CWC27: variants seen among roughly 807,000 people sequenced by gnomAD.
CWC27 encodes CWC27 spliceosome associated cyclophilin, also known as spliceosome-associated protein CWC27 homolog.
CWC27 carries 47 observed loss-of-function variants against 63.6 expected under a neutral mutation model. That is an observed-to-expected ratio of 0.74 (90% CI 0.58 to 0.94). The LOEUF (loss-of-function observed/expected upper bound fraction) is 0.94, where lower values mean the gene tolerates loss of function less well. Among genes scored for constraint, CWC27 ranks in the 40% least tolerant of loss-of-function variants. The pLI, the probability that CWC27 is intolerant of heterozygous loss-of-function variation, is 0.00. For missense variants in CWC27, 495 were observed against 554.3 expected (o/e 0.89, Z 1.07); for synonymous variants, 175 against 179.8 (o/e 0.97, Z 0.22).
chr5:64,897,862 G>A (rs1211186300), intron 11 of CWC27, among the ~76,000 whole-genome samples: 2 of 152,094 alleles, frequency 1.3e-5, no homozygotes, highest in Non-Finnish European at 2.9e-5. Flanking sequence ...TCCCTAACTT[G>A]CATAGACCTA....
chr5:64,916,887 AGT>A (rs1747898594), intron 11 of CWC27, among the ~76,000 whole-genome samples: 1 of 83,080 alleles, frequency 1.2e-5, no homozygotes, highest in Non-Finnish European at 2.6e-5. Flanking sequence ...TAGTAGTATT[AGT>A]AGTAGTAGTA....
intron 13 of CWC27, among the ~76,000 whole-genome samples, chr5:64,979,328 T>C (rs1431768213): frequency 6.6e-6 from 1 of 152,228 alleles, no homozygotes; most frequent in African/African-American, 2.4e-5. Context: ...CTGTACACTA[T>C]GAACCTCCAG....
At chr5:64,922,102 A>G (rs1748009257) in intron 11 of CWC27, among the ~76,000 whole-genome samples, 1 of 152,156 alleles carries the variant, frequency 6.6e-6, no homozygotes, top group Non-Finnish European at 1.5e-5. Flanking sequence ...ACATTGAGTT[A>G]GAGAATCTCA....
At chr5:64,928,709 T>C (rs1561159945) in intron 11 of CWC27, among the ~76,000 whole-genome samples, 3 of 152,194 alleles carry the variant, frequency 2.0e-5, no homozygotes, top group African/African-American at 2.4e-5. Flanking sequence ...GAGGCAATGA[T>C]ACCTGAGTTT....
chr5:64,954,799 T>C (rs1274226362), intron 11 of CWC27, among the ~76,000 whole-genome samples: 3 of 151,544 alleles, frequency 2.0e-5, no homozygotes, highest in Non-Finnish European at 4.4e-5. Flanking sequence ...TATATGTATG[T>C]ATGTTAGTTA....
chr5:64,962,134 T>G (rs1748922044), intron 11 of CWC27, among the ~76,000 whole-genome samples: 1 of 152,208 alleles, frequency 6.6e-6, no homozygotes, highest in Non-Finnish European at 1.5e-5. Flanking sequence ...CTTATTGAAT[T>G]TTTGTTTATT....
chr5:65,014,385 C>G (rs961374790), intron 13 of CWC27, among the ~76,000 whole-genome samples: 1 of 148,710 alleles, frequency 6.7e-6, no homozygotes, highest in African/African-American at 2.5e-5. Flanking sequence ...TATATATACA[C>G]TATATATAAT....
At chr5:64,909,692 C>T (rs185474240) in intron 11 of CWC27, among the ~76,000 whole-genome samples, 1 of 152,218 alleles carries the variant, frequency 6.6e-6, no homozygotes, top group African/African-American at 2.4e-5. Flanking sequence ...ATTTGATCTT[C>T]AGTCACTGAT....
chr5:64,883,111 T>C (rs1037453038), intron 10 of CWC27, among the ~76,000 whole-genome samples: 1 of 151,960 alleles, frequency 6.6e-6, no homozygotes, highest in African/African-American at 2.4e-5. Flanking sequence ...AGAGAATGAG[T>C]GCCAGCAGTG....
chr5:64,963,973 T>C (rs1476171812), intron 11 of CWC27, among the ~76,000 whole-genome samples: 1 of 152,236 alleles, frequency 6.6e-6, no homozygotes, highest in Non-Finnish European at 1.5e-5. Flanking sequence ...ACTATGAATT[T>C]GACTGGGTTT....
intron 13 of CWC27, among the ~76,000 whole-genome samples, chr5:64,992,534 T>G: frequency 1.1e-5 from 1 of 89,518 alleles, no homozygotes; most frequent in East Asian, 3.6e-4. Context: ...CTTTCTACAC[T>G]TTTTTTTTTT....
At chr5:65,006,050 A>T (rs1749835847) in intron 13 of CWC27, among the ~76,000 whole-genome samples, 1 of 152,136 alleles carries the variant, frequency 6.6e-6, no homozygotes, top group Non-Finnish European at 1.5e-5. Context: ...TTTGAAATGA[A>T]TCTAAAGCTT....
chr5:64,984,009 T>G (rs920245033), intron 13 of CWC27, among the ~76,000 whole-genome samples: 1 of 151,942 alleles, frequency 6.6e-6, no homozygotes, highest in Non-Finnish European at 1.5e-5. Flanking sequence ...TTTTTTGTAT[T>G]TTTAGTAGAG....
intron 6 of CWC27, among the ~76,000 whole-genome samples, chr5:64,788,239 T>G (rs552295424): frequency 1.6e-4 from 25 of 152,200 alleles, no homozygotes; most frequent in African/African-American, 5.3e-4. Flanking sequence ...AGTCTTTTTT[T>G]GGTGTGTTTT....
intron 8 of CWC27, 86 bp downstream of exon 8, chr5:64,800,413 C>A: frequency 2.3e-6 from 2 of 887,032 alleles, no homozygotes. Context: ...AACAGTCAGT[C>A]CTCATAAGTC....
intron 13 of CWC27, among the ~76,000 whole-genome samples, chr5:64,987,758 G>A (rs542588338): frequency 6.6e-6 from 1 of 152,258 alleles, no homozygotes; most frequent in African/African-American, 2.4e-5. Flanking sequence ...AAAGATGTTT[G>A]TTCCACCAAA....
chr5:64,959,974 G>A (rs1014204730), intron 11 of CWC27, among the ~76,000 whole-genome samples: 1 of 152,166 alleles, frequency 6.6e-6, no homozygotes, highest in African/African-American at 2.4e-5. Context: ...TTCAAATGAG[G>A]GGAAAATTTG....
intron 7 of CWC27, among the ~76,000 whole-genome samples, chr5:64,791,310 G>T (rs762984545): frequency 1.3e-4 from 20 of 152,138 alleles, no homozygotes; most frequent in Admixed American, 1.3e-3. Context: ...AATGTTCAAA[G>T]ATTATCTTCC....
intron 11 of CWC27, among the ~76,000 whole-genome samples, chr5:64,960,938 T>C (rs1236374245): frequency 6.6e-6 from 1 of 151,026 alleles, no homozygotes; most frequent in African/African-American, 2.4e-5. Context: ...TTTTTTTAAA[T>C]GAATGAATTT....
Sources: gnomAD v4.1 joint callset for allele counts (sites outside exome capture counted in the v4.1 genomes callset) on GRCh38, gnomAD v4.1.1 for gene constraint, MANE v1.5 for transcripts, NCBI Gene and HGNC (gene_info 2026-07-23, HGNC 2026-07-21) for gene names.